RIMS2: variants seen among roughly 807,000 people sequenced by gnomAD.
The protein encoded by RIMS2 is regulating synaptic membrane exocytosis 2, also known as regulating synaptic membrane exocytosis protein 2.
A neutral mutation model predicts 174.4 loss-of-function variants in RIMS2; 59 were observed. The ratio of observed to expected loss-of-function variants is 0.34; its 90% CI spans 0.27 to 0.42. The LOEUF (loss-of-function observed/expected upper bound fraction) is 0.42. Ranked by LOEUF, RIMS2 falls within the 10% of genes least tolerant of loss-of-function variation. The pLI is 1.00. For synonymous variants in RIMS2, 606 were observed against 572.5 expected, an observed-to-expected ratio of 1.06 and a Z score of -0.84; for missense variants, 1,620 against 1,666.3, an observed-to-expected ratio of 0.97 and a Z score of 0.48.
intron 3 of RIMS2, among the ~76,000 whole-genome samples, chr8:103,843,368 T>TCCAGGCATA (rs2098951419): frequency 2.6e-5 from 4 of 152,190 alleles, no homozygotes; most frequent in Admixed American, 6.5e-5. Context: ...TGCCTCAGCC[T>TCCAGGCATA]TGCTAATATG....
intron 3 of RIMS2, among the ~76,000 whole-genome samples, chr8:103,769,762 A>G (rs2098228666): frequency 1.3e-5 from 2 of 152,244 alleles, no homozygotes; most frequent in Non-Finnish European, 2.9e-5. Flanking sequence ...AACAGGTTGT[A>G]GTTCCTTTTA....
At chr8:104,001,293 A>G (rs1565779084) in intron 17 of RIMS2, among the ~76,000 whole-genome samples, 1 of 151,982 alleles carries the variant, frequency 6.6e-6, no homozygotes, top group Non-Finnish European at 1.5e-5. Flanking sequence ...TATCCCAATT[A>G]CCCAAATTTG....
At chr8:103,663,916 G>C (rs1008641780) in intron 1 of RIMS2, among the ~76,000 whole-genome samples, 1 of 152,158 alleles carries the variant, frequency 6.6e-6, no homozygotes, top group African/African-American at 2.4e-5. Context: ...AAACAGCATG[G>C]TACTGGTACC....
intron 17 of RIMS2, 83 bp downstream of exon 19, chr8:103,989,504 A>G: frequency 1.5e-6 from 1 of 669,292 alleles, no homozygotes; most frequent in Non-Finnish European, 2.5e-6. Flanking sequence ...ATATTTTCAC[A>G]TATTCCTTTT....
chr8:104,185,259 C>G (rs1231583657), intron 19 of RIMS2, among the ~76,000 whole-genome samples: 2 of 151,432 alleles, frequency 1.3e-5, no homozygotes, highest in Non-Finnish European at 3.0e-5. Context: ...ATTCTTTATA[C>G]TTGTATGTTT....
intron 19 of RIMS2, among the ~76,000 whole-genome samples, chr8:104,193,773 A>G (rs768026405): frequency 7.9e-5 from 12 of 152,186 alleles, no homozygotes; most frequent in East Asian, 7.7e-4. Flanking sequence ...ACACAAGTCA[A>G]TCTTTCAGTG....
intron 19 of RIMS2, among the ~76,000 whole-genome samples, chr8:104,016,912 T>A (rs2154554379): frequency 6.6e-6 from 1 of 152,094 alleles, no homozygotes. Flanking sequence ...TTTGTCCCTA[T>A]AAAATTAATT....
chr8:103,800,890 A>T (rs2098603030), intron 3 of RIMS2, among the ~76,000 whole-genome samples: 1 of 152,172 alleles, frequency 6.6e-6, no homozygotes, highest in South Asian at 2.1e-4. Context: ...TAGTTTTTAT[A>T]GAGCTGTTAT....
In RIMS2 at chr8:103,847,369, C is replaced by T. The variant is rs867783906; in HGVS notation, c.699-37929C>T. On this transcript the variant is annotated intron_variant, in intron 3 of 23. Transcript: ENST00000504942. ...GGTCCTGCAAGGTGTCCACTGTAAG[C>T]ACAGTCTTAGCTACATGTTTAATGG... Among the ~76,000 whole-genome samples, 8 of 152,084 alleles carry T rather than the reference C, an allele frequency of 5.3e-5. No homozygotes were observed. The South Asian group carries it at 1.7e-3, about 32-fold the overall frequency.
chr8:104,085,361 G>C (rs574706722), intron 19 of RIMS2, among the ~76,000 whole-genome samples: 2 of 152,314 alleles, frequency 1.3e-5, no homozygotes, highest in South Asian at 2.1e-4. Context: ...GGTCATACCA[G>C]CTATGTTAGC....
intron 19 of RIMS2, among the ~76,000 whole-genome samples, chr8:104,166,046 G>C (rs1271232105): frequency 6.9e-6 from 1 of 145,930 alleles, no homozygotes; most frequent in East Asian, 2.1e-4. Context: ...CACTGGAGTG[G>C]TATTTTGGAT....
At chr8:104,113,944 T>C (rs2098238133) in intron 19 of RIMS2, among the ~76,000 whole-genome samples, 1 of 151,928 alleles carries the variant, frequency 6.6e-6, no homozygotes, top group African/African-American at 2.4e-5. Flanking sequence ...ATTAATGGCA[T>C]ACAAAAAAAT....
Position 104,247,327 on chromosome 8 carries a change from G to A in RIMS2, c.3477-1374G>A, listed in dbSNP as rs997652050. On this transcript the variant is annotated intron_variant, in intron 20 of 23. Coordinates refer to ENST00000504942, the Ensembl canonical transcript of RIMS2. The stretch of plus-strand genomic sequence containing the variant: ...TGTCTGCAGGTTTGAGTTCTCCTGA[G>A]GCTCTTCTCCTTGGCTTGCAGATGG... Among the ~76,000 whole-genome samples, 9 of 152,252 alleles carry A rather than the reference G, an allele frequency of 5.9e-5. No homozygotes were observed. The East Asian group carries it at 1.5e-3, about 26-fold the overall frequency.
At chr8:104,050,276 G>C (rs2096764052) in intron 19 of RIMS2, among the ~76,000 whole-genome samples, 1 of 152,054 alleles carries the variant, frequency 6.6e-6, no homozygotes, top group Non-Finnish European at 1.5e-5. Context: ...CTAGGTGCTG[G>C]AGACATAACA....
intron 19 of RIMS2, among the ~76,000 whole-genome samples, chr8:104,201,312 G>A (rs2137020874): frequency 6.6e-6 from 1 of 152,172 alleles, no homozygotes; most frequent in East Asian, 1.9e-4. Context: ...AGAATTCAGG[G>A]CTTTCCAAGC....
downstream of RIMS2, chr8:104,252,145 A>C (rs1436427368): frequency 9.2e-6 from 3 of 327,630 alleles, no homozygotes; most frequent in African/African-American, 6.3e-5. Flanking sequence ...TGGCACCTTT[A>C]TATTTTTATC....
chr8:104,134,039 A>T (rs1325938501), intron 19 of RIMS2, among the ~76,000 whole-genome samples: 2 of 152,222 alleles, frequency 1.3e-5, no homozygotes, highest in Non-Finnish European at 2.9e-5. Context: ...ATATATATTT[A>T]CAAATAATCT....
At chr8:104,079,948 A>C (rs2154563024) in intron 19 of RIMS2, among the ~76,000 whole-genome samples, 1 of 151,998 alleles carries the variant, frequency 6.6e-6, no homozygotes, top group South Asian at 2.1e-4. Context: ...GAGAAGGTGA[A>C]TTTTAAGCAT....
At chr8:104,068,416 A>G in intron 19 of RIMS2, 96 bp from the exon 23 acceptor site, 1 of 585,392 alleles carries the variant, frequency 1.7e-6, no homozygotes, top group Non-Finnish European at 3.0e-6. Flanking sequence ...TGAAAGTAAT[A>G]TACCAGCCTG....
Sources: allele counts gnomAD v4.1 joint callset (sites outside exome capture counted in the v4.1 genomes callset), GRCh38; gene constraint gnomAD v4.1.1; transcripts MANE v1.5; gene names NCBI Gene and HGNC (gene_info 2026-07-23, HGNC 2026-07-21).